The following MSRB3 variants were observed in gnomAD, a reference collection of about 807,000 sequenced individuals.
MSRB3 encodes methionine-R-sulfoxide reductase B3.
A neutral mutation model predicts 21.0 loss-of-function variants in MSRB3; 13 were observed. The observed-to-expected ratio is 0.62, with a 90% confidence interval of 0.40 to 0.98. The LOEUF (loss-of-function observed/expected upper bound fraction) is 0.98, where lower values mean the gene tolerates loss of function less well. Ranked by LOEUF, MSRB3 falls within the 50% of genes least tolerant of loss-of-function variation. MSRB3 has a pLI of 0.00. For synonymous variants in MSRB3, 87 were observed against 88.6 expected, an observed-to-expected ratio of 0.98 and a Z score of 0.10; for missense variants, 199 against 230.3, an observed-to-expected ratio of 0.86 and a Z score of 0.88.
chr12:65,447,765 CA>C (rs1183443327), intron 5 of MSRB3, among the ~76,000 whole-genome samples: 1 of 152,120 alleles, frequency 6.6e-6, no homozygotes, highest in Non-Finnish European at 1.5e-5. Flanking sequence ...ATATAGAAAA[CA>C]AGGTAGTATC....
At chr12:65,452,471 G>T (rs1882899289) in intron 5 of MSRB3, among the ~76,000 whole-genome samples, 2 of 152,060 alleles carry the variant, frequency 1.3e-5, no homozygotes, top group African/African-American at 4.8e-5. Flanking sequence ...AAAATGGGAA[G>T]AAATTCATTT....
rs115631059 is a variant in MSRB3 at position 65,292,318 on chromosome 12, G to A, written c.-52+13453G>A. On this transcript the variant is annotated intron_variant, in intron 1 of 6. Transcript: ENST00000308259. ...TCAGTTTTGTCACTTATAGAATGGA[G>A]ATAATATTGTATCTACCACATAGGT... Among the ~76,000 whole-genome samples the A allele has an allele frequency of 2.9e-3, 437 of 152,278 alleles. 1 individual carries two copies. The highest frequency in any genetic ancestry group is 0.01 in the African/African-American group (426 of 41,564).
At chr12:65,312,578 T>G (rs866390591) in intron 2 of MSRB3, among the ~76,000 whole-genome samples, 1 of 152,104 alleles carries the variant, frequency 6.6e-6, no homozygotes, top group Non-Finnish European at 1.5e-5. Flanking sequence ...AATTTGTGGT[T>G]GTGATTCTTA....
At chr12:65,378,675 T>C (rs1364903917) in intron 5 of MSRB3, among the ~76,000 whole-genome samples, 1 of 152,228 alleles carries the variant, frequency 6.6e-6, no homozygotes, top group Non-Finnish European at 1.5e-5. Flanking sequence ...GTCTAGTATC[T>C]GGCTATTAAC....
Position 65,441,378 on chromosome 12 carries a change from A to G in MSRB3, c.293-12350A>G, listed in dbSNP as rs2136680833. Reference sequence around the variant, plus strand: ...GTAGGCAGTTGTTTGGGATTTAGAGAAGACTGTCATCAGGTGCTAAACTCT... The same window carrying G: ...GTAGGCAGTTGTTTGGGATTTAGAGGAGACTGTCATCAGGTGCTAAACTCT... On this transcript the variant is annotated intron_variant, in intron 5 of 6. Transcript: ENST00000308259. 1.3e-5 allele frequency among the ~76,000 whole-genome samples: 2 copies of G among 152,042 alleles called. 1 individual carries two copies. The highest frequency in any genetic ancestry group is 4.1e-4 in the South Asian group (2 of 4,820).
At chr12:65,312,961 A>T (rs535064994) in intron 2 of MSRB3, among the ~76,000 whole-genome samples, 1 of 150,878 alleles carries the variant, frequency 6.6e-6, no homozygotes, top group Non-Finnish European at 1.5e-5. Flanking sequence ...TTGTCTGACA[A>T]TTTTTTCTCA....
At chr12:65,419,099 AGGACTGGGCTGTAT>A (rs1478401782) in intron 5 of MSRB3, 1 of 688,982 alleles carries the variant, frequency 1.5e-6, no homozygotes, top group Non-Finnish European at 2.6e-6. Flanking sequence ...TCAGTCTCCG[AGGACTGGGCTGTAT>A]GTTACAGCTC....
intron 4 of MSRB3, among the ~76,000 whole-genome samples, chr12:65,347,608 A>T (rs1434401718): frequency 6.6e-6 from 1 of 152,192 alleles, no homozygotes; most frequent in Non-Finnish European, 1.5e-5. Context: ...CCTGGCCAGA[A>T]CTTCCAACAC....
At chr12:65,339,690 G>T (rs116035083) in intron 4 of MSRB3, among the ~76,000 whole-genome samples, 1 of 151,988 alleles carries the variant, frequency 6.6e-6, no homozygotes, top group African/African-American at 2.4e-5. Context: ...ATAAATTTAC[G>T]TAATTTATTT....
intron 5 of MSRB3, among the ~76,000 whole-genome samples, chr12:65,393,206 G>A (rs1879578259): frequency 6.6e-6 from 1 of 151,084 alleles, no homozygotes; most frequent in East Asian, 1.9e-4. Context: ...GACCATATTT[G>A]TCACTTAAAT....
intron 4 of MSRB3, among the ~76,000 whole-genome samples, chr12:65,352,963 A>G (rs1458368959): frequency 2.0e-5 from 3 of 152,028 alleles, no homozygotes; most frequent in Admixed American, 6.6e-5. Context: ...GGAAAAAACT[A>G]CTTTAAAGTT....
intron 1 of MSRB3, 67 bp from the exon 2 acceptor site, chr12:65,308,462 C>T (rs539290504): frequency 6.4e-7 from 1 of 1,563,990 alleles, no homozygotes; most frequent in Admixed American, 1.8e-5. Context: ...ATCAGTTGTG[C>T]AATGAATGTG....
chr12:65,417,593 C>T (rs939217166), intron 5 of MSRB3, among the ~76,000 whole-genome samples: 2 of 152,158 alleles, frequency 1.3e-5, no homozygotes, highest in Non-Finnish European at 2.9e-5. Context: ...GTCTCTTGAA[C>T]TTATTTCTCC....
intron 1 of MSRB3, among the ~76,000 whole-genome samples, chr12:65,288,484 G>A (rs941411060): frequency 2.0e-5 from 3 of 152,082 alleles, no homozygotes; most frequent in Non-Finnish European, 4.4e-5. Context: ...CTGCATCTAA[G>A]ATCTTATGTT....
At chr12:65,425,310 G>A (rs1321089866) in intron 5 of MSRB3, among the ~76,000 whole-genome samples, 1 of 151,884 alleles carries the variant, frequency 6.6e-6, no homozygotes, top group Admixed American at 6.6e-5. Flanking sequence ...TATTCATTTA[G>A]CCAATCTGTC....
At chr12:65,406,852 G>A (rs2136615630) in intron 5 of MSRB3, among the ~76,000 whole-genome samples, 1 of 152,250 alleles carries the variant, frequency 6.6e-6, no homozygotes, top group South Asian at 2.1e-4. Flanking sequence ...AACTAGCTAG[G>A]TCCATTTTGC....
At chr12:65,290,864 A>T (rs1027942640) in intron 1 of MSRB3, among the ~76,000 whole-genome samples, 2 of 152,200 alleles carry the variant, frequency 1.3e-5, no homozygotes, top group Non-Finnish European at 2.9e-5. Context: ...ATAATTGCTA[A>T]TCAGAACTCC....
intron 4 of MSRB3, among the ~76,000 whole-genome samples, chr12:65,367,381 G>A (rs530265369): frequency 4.6e-5 from 7 of 152,336 alleles, no homozygotes; most frequent in African/African-American, 1.7e-4. Context: ...TGTTTCAAAG[G>A]AGATGAGAGA....
At chr12:65,453,552 T>C (rs890813175) in intron 5 of MSRB3, among the ~76,000 whole-genome samples, 176 bp from the exon 6 acceptor site, 4 of 152,220 alleles carry the variant, frequency 2.6e-5, no homozygotes, top group African/African-American at 4.8e-5. Flanking sequence ...AAAAAATAAC[T>C]GTACTCTTGC....
Sources: allele counts gnomAD v4.1 joint callset (sites outside exome capture counted in the v4.1 genomes callset), GRCh38; gene constraint gnomAD v4.1.1; transcripts MANE v1.5; gene names NCBI Gene and HGNC (gene_info 2026-07-23, HGNC 2026-07-21).